Variants in DDB1 observed in about 807,000 individuals in gnomAD.
DDB1 encodes damage specific DNA binding protein 1.
DDB1 carries 18 observed loss-of-function variants against 133.1 expected under a neutral mutation model. The observed-to-expected ratio is 0.14, with a 90% confidence interval of 0.09 to 0.20. The LOEUF (loss-of-function observed/expected upper bound fraction) is 0.20. Among genes scored for constraint, DDB1 ranks in the 10% least tolerant of loss-of-function variants. The pLI is 1.00. For synonymous variants in DDB1, 580 were observed against 550.5 expected (o/e 1.05, Z -0.75); for missense variants, 828 against 1,459.2 (o/e 0.57, Z 7.05).
chr11:61,316,954 T>TAC (rs1856086764), intron 10 of DDB1, among the ~76,000 whole-genome samples: 8 of 9,436 alleles, frequency 8.5e-4, no homozygotes, highest in African/African-American at 3.1e-3. Flanking sequence ...TAGATATATA[T>TAC]ATATATATAT....
At position 61,302,868 on chromosome 11, in the gene DDB1, C is replaced by T; in HGVS notation, c.2943-117G>A. ...TTCCCTGGGGAGCTGACATACTCCA[C>T]AGTAGGGGAGCCAGTCTAAAGAGGT... is the stretch of plus-strand genomic sequence containing the variant. On this transcript the variant is annotated intron_variant, in intron 23 of 26. Transcript: ENST00000301764. 2.1e-6 allele frequency: 3 copies of T among 1,398,758 alleles called. No individual in the cohort carries two copies. In the South Asian group the frequency reaches 3.9e-5, roughly 18 times the overall value. 86.6% of individuals were successfully genotyped at this position (1,398,758 alleles called of 1,614,324 possible).
chr11:61,330,175 C>T (rs148402918), intron 2 of DDB1, 101 bp from the exon 3 acceptor site: 1 of 897,466 alleles, frequency 1.1e-6, no homozygotes, highest in East Asian at 2.6e-5. Flanking sequence ...TTTCCAAATT[C>T]TTCTCTCCCT....
intron 23 of DDB1, 97 bp downstream of exon 23, chr11:61,302,949 A>G (rs1334455715): frequency 9.9e-6 from 13 of 1,318,714 alleles, no homozygotes; most frequent in Non-Finnish European, 1.4e-5. Context: ...TGTAAACAGG[A>G]GCACCTGAAC....
chr11:61,330,702 C>T (rs900754503), intron 2 of DDB1, among the ~76,000 whole-genome samples: 4 of 150,838 alleles, frequency 2.7e-5, no homozygotes, highest in African/African-American at 9.8e-5. Context: ...CTCGCTCTGT[C>T]ACCGGGCAAT....
intron 19 of DDB1, 102 bp from the exon 20 acceptor site, chr11:61,310,062 G>A (rs987533323): frequency 3.0e-5 from 45 of 1,477,154 alleles, no homozygotes; most frequent in Non-Finnish European, 2.7e-5. Context: ...GTGACAAAGC[G>A]TGTACCACCT....
At chr11:61,323,179 A>G (rs1228138367) in intron 7 of DDB1, 85 bp from the exon 8 acceptor site, 1 of 1,076,616 alleles carries the variant, frequency 9.3e-7, no homozygotes, top group Admixed American at 1.9e-5. Flanking sequence ...ACATCTGCTG[A>G]GAAAACTCCC....
chr11:61,311,258 A>AAACATAACATAACATAACATAACAT (rs56167776), intron 18 of DDB1: 11 of 140,582 alleles, frequency 7.8e-5, no homozygotes, highest in South Asian at 2.4e-4. Flanking sequence ...TCTCAATAAC[A>AAACATAACATAACATAACATAACAT]AACATAACAT....
rs1211620316 is a variant in DDB1, at chr11:61,325,714, G to A, written c.665-6C>T. The A allele has an allele frequency of 2.5e-6, 4 of 1,609,686 alleles. No homozygotes were observed. The highest frequency in any genetic ancestry group is 3.4e-6 in the Non-Finnish European group (4 of 1,177,328). ...CCCCCCAAAGGGCTCTGGGACTGCA[G>A]GAAAGACAGCAAAATTAGAATGCTC... On this transcript the variant is annotated splice_polypyrimidine_tract_variant and splice_region_variant and intron_variant, in intron 5 of 26. Transcript: ENST00000301764.
At chr11:61,323,644 G>A (rs1856222296) in intron 7 of DDB1, 2 of 285,392 alleles carry the variant, frequency 7.0e-6, no homozygotes, top group Admixed American at 4.5e-5. Context: ...AACTCCTGGG[G>A]CTCACACAAT....
At chr11:61,305,642 G>C (rs1855871652) in intron 21 of DDB1, among the ~76,000 whole-genome samples, 1 of 152,080 alleles carries the variant, frequency 6.6e-6, no homozygotes, top group African/African-American at 2.4e-5. Flanking sequence ...TGAAGCGGGG[G>C]GCCTCAGAGC....
rs533137591 is a variant in DDB1, at chr11:61,323,302, G to T, written c.922-208C>A. 34 of 566,238 alleles carry T rather than the reference G, an allele frequency of 6.0e-5. 1 individual carries two copies. The highest frequency in any genetic ancestry group is 5.7e-4 in the South Asian group (25 of 44,100). The allele number at this position is 566,238 out of a possible 1,614,324, so 35.1% of individuals were successfully genotyped here. On this transcript the variant is annotated intron_variant, in intron 7 of 26. Coordinates refer to ENST00000301764, the MANE Select transcript of DDB1 (RefSeq NM_001923.5). ...TTCATCTATTGCATCCCTACACTCAGAAAAATCTATAATTTGTCTTGCATA... is the reference window on the plus strand; with the variant it reads ...TTCATCTATTGCATCCCTACACTCATAAAAATCTATAATTTGTCTTGCATA...
chr11:61,321,488 C>A, intron 10 of DDB1, 107 bp downstream of exon 10: 1 of 824,266 alleles, frequency 1.2e-6, no homozygotes, highest in Non-Finnish European at 2.0e-6. Context: ...TTTCACTCTT[C>A]ACTTGATCTG....
intron 21 of DDB1, among the ~76,000 whole-genome samples, chr11:61,307,074 C>T (rs1298919871): frequency 6.6e-6 from 1 of 152,238 alleles, no homozygotes; most frequent in African/African-American, 2.4e-5. Flanking sequence ...CCTTCTCTGT[C>T]ACTCGGTTTG....
chr11:61,316,919 CAAAA>C (rs58795761), intron 10 of DDB1, among the ~76,000 whole-genome samples: 2 of 21,710 alleles, frequency 9.2e-5, no homozygotes, highest in African/African-American at 1.4e-4. Flanking sequence ...GATCCTGTCT[CAAAA>C]AAAAAAAAAA....
intron 16 of DDB1, among the ~76,000 whole-genome samples, chr11:61,312,491 CCTCT>C (rs1327011375): frequency 0.028 from 4,119 of 147,930 alleles, 195 homozygotes; most frequent in African/African-American, 0.095. Flanking sequence ...TCTTTTCTTT[CCTCT>C]CTCTCTCTCT....
chr11:61,313,782 AG>A lies in DDB1; in HGVS notation c.1862-77del. The A allele has an allele frequency of 1.9e-6, 3 of 1,589,920 alleles. No homozygotes were observed. The South Asian group carries it at 3.4e-5, about 18-fold the overall frequency. On this transcript the variant is annotated intron_variant, in intron 15 of 26. Coordinates refer to ENST00000301764, the MANE Select transcript of DDB1 (RefSeq NM_001923.5). Reference sequence around the variant, plus strand: ...AGCTGGCCTGTGAAAGTTCAAAAGCAGAACCCTGGGACTAAGAATTCTGTGT... The same window carrying A: ...AGCTGGCCTGTGAAAGTTCAAAAGCAAACCCTGGGACTAAGAATTCTGTGT...
intron 1 of DDB1, 190 bp from the exon 2 acceptor site, chr11:61,331,881 A>G: frequency 1.5e-6 from 1 of 673,202 alleles, no homozygotes; most frequent in East Asian, 2.8e-5. Flanking sequence ...TGCATTCAAC[A>G]AAGCTACTTC....
At chr11:61,309,190 TAAA>T in intron 20 of DDB1, 113 bp from the exon 21 acceptor site, 3 of 928,500 alleles carry the variant, frequency 3.2e-6, no homozygotes, top group Non-Finnish European at 5.1e-6. Flanking sequence ...ACCACTCATC[TAAA>T]AAAACAACAC....
rs539527903 is a variant in DDB1 at position 61,317,609 on chromosome 11, C to T, written c.1226-1042G>A. 6.3e-3 allele frequency among the ~76,000 whole-genome samples: 965 copies of T among 152,184 alleles called. 5 individuals carry two copies. The highest frequency in any genetic ancestry group is 0.02 in the Middle Eastern group (6 of 294). ...ACAACCTCCGCCTCCCGGGTTCAAG[C>T]GATTCTCCTGCCTCAGCCTCCTGAG... On this transcript the variant is annotated intron_variant, in intron 10 of 26. Coordinates refer to ENST00000301764, the MANE Select transcript of DDB1 (RefSeq NM_001923.5).
Sources: gnomAD v4.1 joint callset for allele counts (sites outside exome capture counted in the v4.1 genomes callset) on GRCh38, gnomAD v4.1.1 for gene constraint, MANE v1.5 for transcripts, NCBI Gene and HGNC (gene_info 2026-07-23, HGNC 2026-07-21) for gene names.